SPOCK3: variants seen among roughly 807,000 people sequenced by gnomAD.
SPOCK3 encodes the protein SPARC (osteonectin), cwcv and kazal like domains proteoglycan 3, also known as testican-3.
SPOCK3 carries 30 observed loss-of-function variants against 56.6 expected under a neutral mutation model. The ratio of observed to expected loss-of-function variants is 0.53; its 90% CI spans 0.40 to 0.72. The LOEUF is 0.72. Among genes scored for constraint, SPOCK3 ranks in the 30% least tolerant of loss-of-function variants. The pLI is 0.00. For missense variants in SPOCK3, 527 were observed against 530.0 expected, an observed-to-expected ratio of 0.99 and a Z score of 0.06; for synonymous variants, 196 against 183.3, an observed-to-expected ratio of 1.07 and a Z score of -0.56.
chr4:166,843,728 G>A (rs1013236464), intron 6 of SPOCK3, among the ~76,000 whole-genome samples: 3 of 152,132 alleles, frequency 2.0e-5, no homozygotes, highest in Non-Finnish European at 4.4e-5. Flanking sequence ...CTAAATGCAA[G>A]TTGTTTGAAG....
chr4:167,207,519 T>C (rs1168237683), intron 2 of SPOCK3, among the ~76,000 whole-genome samples: 1 of 152,122 alleles, frequency 6.6e-6, no homozygotes, highest in Non-Finnish European at 1.5e-5. Flanking sequence ...CATGAATCTT[T>C]AACTATTTTA....
intron 2 of SPOCK3, among the ~76,000 whole-genome samples, chr4:167,135,599 G>A (rs971023011): frequency 7.9e-5 from 12 of 151,782 alleles, no homozygotes; most frequent in African/African-American, 2.7e-4. Flanking sequence ...GGAAATTCAT[G>A]GCAGATCAAA....
At chr4:166,948,855 C>A (rs912083169) in intron 4 of SPOCK3, among the ~76,000 whole-genome samples, 1 of 151,740 alleles carries the variant, frequency 6.6e-6, no homozygotes. Flanking sequence ...ATCTTTGTGG[C>A]GTTCTCTGTA....
In SPOCK3 at chr4:166,964,812, A is replaced by G. The variant is rs952001955; in HGVS notation, c.350+35537T>C. ...AAATTGGACCTCTCTTTCATAAGGA[A>G]ATACATTTTATTTTTTTTCTAGGAT... On this transcript the variant is annotated intron_variant, in intron 4 of 10. Transcript: ENST00000357545. Among the ~76,000 whole-genome samples, 10 of 151,838 alleles carry G rather than the reference A, an allele frequency of 6.6e-5. 1 individual carries two copies. Among genetic ancestry groups the G allele is most frequent in the African/African-American group, 2.4e-4 (10 of 41,422 alleles).
At chr4:167,132,958 G>A (rs1302905766) in intron 2 of SPOCK3, among the ~76,000 whole-genome samples, 2 of 152,118 alleles carry the variant, frequency 1.3e-5, no homozygotes, top group African/African-American at 4.8e-5. Flanking sequence ...AGGTTTGAGG[G>A]ATTTGACATG....
chr4:166,853,411 CTTAT>C (rs1730337482), intron 6 of SPOCK3, among the ~76,000 whole-genome samples: 1 of 152,258 alleles, frequency 6.6e-6, no homozygotes, highest in East Asian at 1.9e-4. Flanking sequence ...CTGATCTCCT[CTTAT>C]TTTTATAAAT....
At chr4:167,068,387 T>G (rs1432354583) in intron 2 of SPOCK3, among the ~76,000 whole-genome samples, 1 of 151,770 alleles carries the variant, frequency 6.6e-6, no homozygotes, top group Admixed American at 6.6e-5. Context: ...GTATACAAAC[T>G]ATTAATATAG....
Position 166,734,430 on chromosome 4 carries a change from T to G in SPOCK3, c.*491A>C, listed in dbSNP as rs1383832141. ...ACTTTGTTTTTCTTGCCATGTGGTA[T>G]CTCTCTGTTATCCTGACTCAACTAG... On this transcript the variant is annotated 3_prime_UTR_variant, in exon 11 of 11. Transcript: ENST00000357545. The G allele has an allele frequency of 6.6e-6, 1 of 152,212 alleles. No individual in the cohort carries two copies. The highest frequency in any genetic ancestry group is 1.5e-5 in the Non-Finnish European group (1 of 68,088). 9.4% of individuals were successfully genotyped at this position (152,212 alleles called of 1,614,324 possible).
At chr4:166,885,494 C>T (rs1265998096) in intron 6 of SPOCK3, among the ~76,000 whole-genome samples, 1 of 152,050 alleles carries the variant, frequency 6.6e-6, no homozygotes, top group Non-Finnish European at 1.5e-5. Context: ...CCGATTTGCA[C>T]TGTATCCTCC....
chr4:167,163,864 A>G (rs1275581690), intron 2 of SPOCK3, among the ~76,000 whole-genome samples: 1 of 152,148 alleles, frequency 6.6e-6, no homozygotes, highest in East Asian at 1.9e-4. Flanking sequence ...TTAAATGTGA[A>G]GATAAATTAT....
intron 2 of SPOCK3, among the ~76,000 whole-genome samples, chr4:167,208,197 C>T (rs890107899): frequency 3.3e-5 from 5 of 151,248 alleles, no homozygotes; most frequent in African/African-American, 7.3e-5. Context: ...TCACCATTGC[C>T]GAAAAGTGGG....
intron 10 of SPOCK3, among the ~76,000 whole-genome samples, chr4:166,736,418 T>A (rs1408150664): frequency 6.6e-6 from 1 of 152,146 alleles, no homozygotes; most frequent in Non-Finnish European, 1.5e-5. Flanking sequence ...GTAAGGCAGC[T>A]ATTGAATCCT....
chr4:167,059,957 A>G (rs2150241294), intron 3 of SPOCK3, among the ~76,000 whole-genome samples: 1 of 150,708 alleles, frequency 6.6e-6, no homozygotes, highest in African/African-American at 2.4e-5. Context: ...AACAATGCGA[A>G]CACATGGACA....
intron 4 of SPOCK3, chr4:166,918,502 T>G (rs1303678737): frequency 6.6e-6 from 1 of 152,118 alleles, no homozygotes; most frequent in Non-Finnish European, 1.5e-5. Context: ...TAAAATACTT[T>G]ATAAAATAAA....
intron 3 of SPOCK3, among the ~76,000 whole-genome samples, chr4:167,001,492 C>A (rs1748950251): frequency 6.6e-6 from 1 of 152,130 alleles, no homozygotes; most frequent in African/African-American, 2.4e-5. Context: ...GAATATTATG[C>A]CATTTTACAT....
intron 2 of SPOCK3, among the ~76,000 whole-genome samples, chr4:167,162,347 T>G (rs1045650211): frequency 4.6e-5 from 7 of 152,116 alleles, no homozygotes; most frequent in African/African-American, 1.7e-4. Context: ...AATATTCTCC[T>G]CCCTACCCTG....
chr4:167,110,926 T>G (rs1760849180), intron 2 of SPOCK3, among the ~76,000 whole-genome samples: 1 of 152,058 alleles, frequency 6.6e-6, no homozygotes, highest in African/African-American at 2.4e-5. Context: ...TTCTTTCATT[T>G]TTTTGAAAAT....
intron 2 of SPOCK3, among the ~76,000 whole-genome samples, chr4:167,203,609 C>T (rs1183964622): frequency 6.6e-6 from 1 of 151,602 alleles, no homozygotes; most frequent in Non-Finnish European, 1.5e-5. Flanking sequence ...ACCGTCCTCC[C>T]TGCATTTGGA....
chr4:166,772,285 T>C (rs1001635712), intron 7 of SPOCK3, among the ~76,000 whole-genome samples: 1 of 152,136 alleles, frequency 6.6e-6, no homozygotes, highest in Non-Finnish European at 1.5e-5. Flanking sequence ...GTTTAAAGTA[T>C]GCAATGCTAT....
Sources: gnomAD v4.1 joint callset for allele counts (sites outside exome capture counted in the v4.1 genomes callset) on GRCh38, gnomAD v4.1.1 for gene constraint, MANE v1.5 for transcripts, NCBI Gene and HGNC (gene_info 2026-07-23, HGNC 2026-07-21) for gene names.